Variants in STXBP5L observed in about 807,000 individuals in gnomAD.
STXBP5L encodes the protein syntaxin binding protein 5L.
In STXBP5L, 65 loss-of-function variants were observed where a neutral mutation model predicts 144.5. The ratio of observed to expected loss-of-function variants is 0.45; its 90% CI spans 0.37 to 0.55. STXBP5L has a LOEUF of 0.55. Among genes scored for constraint, STXBP5L ranks in the 20% least tolerant of loss-of-function variants. The pLI is 0.00. For synonymous variants in STXBP5L, 505 were observed against 469.6 expected, an observed-to-expected ratio of 1.08 and a Z score of -0.97; for missense variants, 1,298 against 1,405.5, an observed-to-expected ratio of 0.92 and a Z score of 1.22.
intron 19 of STXBP5L, among the ~76,000 whole-genome samples, chr3:121,289,649 G>C (rs535155364): frequency 8.5e-5 from 13 of 152,058 alleles, no homozygotes; most frequent in Non-Finnish European, 1.8e-4. Flanking sequence ...CCATATGATA[G>C]GCCACAAAAC....
intron 3 of STXBP5L, among the ~76,000 whole-genome samples, chr3:121,021,158 C>T (rs1945523486): frequency 6.6e-6 from 1 of 152,000 alleles, no homozygotes; most frequent in East Asian, 1.9e-4. Flanking sequence ...AAAGCAACAG[C>T]AGTTAAAAAA....
At chr3:121,005,932 T>A (rs1171748667) in intron 3 of STXBP5L, among the ~76,000 whole-genome samples, 3 of 152,202 alleles carry the variant, frequency 2.0e-5, no homozygotes, top group Non-Finnish European at 4.4e-5. Context: ...TGTTATGATT[T>A]CTGTTCTTTT....
intron 20 of STXBP5L, among the ~76,000 whole-genome samples, chr3:121,377,137 A>G (rs2046207453): frequency 6.6e-6 from 1 of 152,188 alleles, no homozygotes; most frequent in Non-Finnish European, 1.5e-5. Flanking sequence ...GGCTGAGACC[A>G]TAGGGTTTTC....
At chr3:120,967,005 G>T (rs1939660264) in intron 3 of STXBP5L, among the ~76,000 whole-genome samples, 1 of 152,072 alleles carries the variant, frequency 6.6e-6, no homozygotes, top group African/African-American at 2.4e-5. Flanking sequence ...TTCAGCAATG[G>T]TGGACGCCCT....
At position 121,238,964 on chromosome 3, in the gene STXBP5L, CTATT is replaced by C. The variant is rs2049575557; in HGVS notation, c.1185-6_1185-3del. Reference sequence around the variant, plus strand: ...AATAACACTGATATATTGTCTTTATCTATTAGTTTTCCAATCTTTGAAAATCCAT... The same window carrying C: ...AATAACACTGATATATTGTCTTTATCAGTTTTCCAATCTTTGAAAATCCAT... On this transcript the variant is annotated splice_region_variant and splice_polypyrimidine_tract_variant and intron_variant, in intron 12 of 26. Coordinates refer to ENST00000471454, the MANE Select transcript of STXBP5L (RefSeq NM_001308330.2). 1 of 1,563,508 alleles carries C rather than the reference CTATT, an allele frequency of 6.4e-7. No individual in the cohort carries two copies. The highest frequency in any genetic ancestry group is 2.3e-5 in the East Asian group (1 of 43,454).
chr3:120,938,232 T>G (rs907036555), intron 2 of STXBP5L, among the ~76,000 whole-genome samples: 11 of 152,172 alleles, frequency 7.2e-5, no homozygotes, highest in African/African-American at 2.7e-4. Flanking sequence ...ACTTAATATA[T>G]TATTAACATC....
chr3:121,292,175 T>C (rs1432385448), intron 19 of STXBP5L, among the ~76,000 whole-genome samples: 1 of 151,988 alleles, frequency 6.6e-6, no homozygotes, highest in Non-Finnish European at 1.5e-5. Flanking sequence ...ATCTAGAATC[T>C]ATAGGAACTC....
intron 9 of STXBP5L, among the ~76,000 whole-genome samples, chr3:121,167,261 T>C (rs1228544066): frequency 6.6e-6 from 1 of 152,192 alleles, no homozygotes. Context: ...CTAAGAAATA[T>C]AGTAAGCTAA....
intron 19 of STXBP5L, among the ~76,000 whole-genome samples, chr3:121,312,559 A>G (rs1327468369): frequency 6.9e-6 from 1 of 145,214 alleles, no homozygotes; most frequent in African/African-American, 2.6e-5. Flanking sequence ...TCAGCAGATA[A>G]ACAAGTGAAC....
intron 5 of STXBP5L, among the ~76,000 whole-genome samples, chr3:121,079,263 G>A (rs771768976): frequency 2.0e-5 from 3 of 152,256 alleles, no homozygotes; most frequent in Non-Finnish European, 4.4e-5. Context: ...CAGGAAGTGA[G>A]TTACAGATGC....
At chr3:121,300,784 A>G (rs1327207908) in intron 19 of STXBP5L, among the ~76,000 whole-genome samples, 1 of 152,170 alleles carries the variant, frequency 6.6e-6, no homozygotes, top group East Asian at 1.9e-4. Flanking sequence ...TGATAGACAT[A>G]AACTTAACCC....
At chr3:121,002,295 A>T (rs1576624693) in intron 3 of STXBP5L, among the ~76,000 whole-genome samples, 1 of 152,160 alleles carries the variant, frequency 6.6e-6, no homozygotes, top group South Asian at 2.1e-4. Context: ...TGCTTCCCTG[A>T]TGATTAGTAA....
In STXBP5L at chr3:121,407,538, G is replaced by T. The variant is rs1379738728; in HGVS notation, c.2883G>T (p.Val961=). Residue 961 remains valine, a synonymous_variant, in exon 23 of 27, where the codon GTG becomes GTT. Coordinates refer to ENST00000471454, the MANE Select transcript of STXBP5L (RefSeq NM_001308330.2). ...TETSFILQAN[V]VVMCSSACLA... ...CATCTTTTATACTGCAAGCAAATGT[G>T]GTGGTCATGTGTAGCAGTGCCTGCT... 3 of 1,613,332 alleles carry T rather than the reference G, an allele frequency of 1.9e-6. No homozygotes were observed. In the East Asian group the frequency reaches 6.7e-5, roughly 36 times the overall value.
At chr3:120,991,594 A>G (rs1223239527) in intron 3 of STXBP5L, among the ~76,000 whole-genome samples, 1 of 152,228 alleles carries the variant, frequency 6.6e-6, no homozygotes, top group Non-Finnish European at 1.5e-5. Flanking sequence ...ATGTCCAACA[A>G]TGATAGACTG....
intron 3 of STXBP5L, 85 bp from the exon 4 acceptor site, chr3:121,041,615 A>G (rs1001479804): frequency 3.5e-5 from 35 of 1,007,936 alleles, no homozygotes; most frequent in Middle Eastern, 4.3e-4. Context: ...ATAGCAAAAC[A>G]TCTGTTGATC....
intron 5 of STXBP5L, among the ~76,000 whole-genome samples, chr3:121,045,773 G>A (rs985235157): frequency 2.6e-5 from 4 of 152,110 alleles, no homozygotes; most frequent in Non-Finnish European, 5.9e-5. Flanking sequence ...AGATTATGGG[G>A]TTTTCTATGT....
chr3:120,991,089 A>T (rs1258127098), intron 3 of STXBP5L, among the ~76,000 whole-genome samples: 1 of 152,202 alleles, frequency 6.6e-6, no homozygotes, highest in Admixed American at 6.5e-5. Flanking sequence ...CATCTGACAA[A>T]GGGCTAATAT....
intron 20 of STXBP5L, among the ~76,000 whole-genome samples, chr3:121,349,247 T>C (rs1333735099): frequency 6.6e-6 from 1 of 152,150 alleles, no homozygotes. Context: ...GGTTGTTCAG[T>C]TTCCATGAAG....
chr3:121,056,236 C>T (rs976409183), intron 5 of STXBP5L, among the ~76,000 whole-genome samples: 5 of 151,994 alleles, frequency 3.3e-5, no homozygotes, highest in Admixed American at 2.0e-4. Flanking sequence ...TAAAATAAAA[C>T]ATTCATATTT....
Sources: allele counts gnomAD v4.1 joint callset (sites outside exome capture counted in the v4.1 genomes callset), GRCh38; gene constraint gnomAD v4.1.1; transcripts MANE v1.5; gene names NCBI Gene and HGNC (gene_info 2026-07-23, HGNC 2026-07-21).